The following MYO10 variants were observed in gnomAD, a reference collection of about 807,000 sequenced individuals.
The protein encoded by MYO10 is unconventional myosin-X.
MYO10 carries 133 observed loss-of-function variants against 257.3 expected under a neutral mutation model. That is an observed-to-expected ratio of 0.52 (90% CI 0.45 to 0.60). MYO10 has a LOEUF of 0.60. Ranked by LOEUF, MYO10 falls within the 20% of genes least tolerant of loss-of-function variation. The pLI is 0.00. For synonymous variants in MYO10, 1,104 were observed against 1,028.6 expected (o/e 1.07, Z -1.40); for missense variants, 2,399 against 2,635.7 (o/e 0.91, Z 1.97).
Position 16,877,684 on chromosome 5 carries a change from T to C in MYO10, c.45A>G (p.Glu15=). The C allele has an allele frequency of 1.9e-6, 3 of 1,613,700 alleles. No individual in the cohort carries two copies. The highest frequency in any genetic ancestry group is 2.5e-6 in the Non-Finnish European group (3 of 1,179,794). Reference sequence around the variant, plus strand: ...CAGTACTTGGAAAATGCTGGCCATTTTCTCTCAGCCAGACCCGTGTTCCCT... The same window carrying C: ...CAGTACTTGGAAAATGCTGGCCATTCTCTCTCAGCCAGACCCGTGTTCCCT... ...FTEGTRVWLR[E]NGQHFPSTVN... is the part of the protein sequence containing the mutation. Residue 15 remains glutamate, a synonymous_variant, in exon 2 of 41, where the codon GAA becomes GAG. Transcript: ENST00000513610.
chr5:16,929,799 A>G (rs1190857299), intron 1 of MYO10, among the ~76,000 whole-genome samples: 2 of 152,178 alleles, frequency 1.3e-5, no homozygotes, highest in African/African-American at 4.8e-5. Context: ...TTTTTCTTGA[A>G]TATTTTCAAT....
chr5:16,682,011 G>C lies in MYO10; in HGVS notation c.4049C>G (p.Pro1350Arg), dbSNP rs1278272834. 1.1e-5 allele frequency: 18 copies of C among 1,612,864 alleles called. No homozygotes were observed. The highest frequency in any genetic ancestry group is 1.5e-5 in the Non-Finnish European group (18 of 1,179,782). ...GGCCGTGATGATCACAAACGAGTTG[G>C]GTCTGAGCCACAAGATGAGAAGGAA... ...SVCASDSPDR[P>R]NSFVIITANR... Residue 1350 changes from proline (P) to arginine (R), a missense_variant and splice_region_variant, in exon 31 of 41, where the codon CCC (proline) becomes CGC (arginine). Around this residue, in one of 3 missense-constraint regions of MYO10, gnomAD observed 1,820 missense variants for 1,939.4 expected, o/e 0.94. Transcript: ENST00000513610.
chr5:16,741,704 A>T (rs763788556), intron 19 of MYO10: 10 of 817,794 alleles, frequency 1.2e-5, no homozygotes, highest in African/African-American at 3.7e-5. Context: ...GAAACAGCAA[A>T]ATCTGTTCCC....
chr5:16,923,980 C>A (rs1746062591), intron 1 of MYO10, among the ~76,000 whole-genome samples: 2 of 152,136 alleles, frequency 1.3e-5, no homozygotes, highest in African/African-American at 4.8e-5. Context: ...GTCCCAGCTA[C>A]TCAGGAGGCT....
chr5:16,787,438 CTAACCCGT>C (rs1741618735), intron 4 of MYO10, among the ~76,000 whole-genome samples: 1 of 152,076 alleles, frequency 6.6e-6, no homozygotes, highest in South Asian at 2.1e-4. Context: ...ACATTTCTGT[CTAACCCGT>C]CTCCTCCTCC....
intron 19 of MYO10, among the ~76,000 whole-genome samples, chr5:16,723,748 A>G (rs1739247489): frequency 6.6e-6 from 1 of 152,258 alleles, no homozygotes; most frequent in African/African-American, 2.4e-5. Context: ...CAAAGAAACT[A>G]CGGTATATCC....
Position 16,663,845 on chromosome 5 carries a change from C to T in MYO10, c.*2847G>A, listed in dbSNP as rs985740736. The T allele has an allele frequency of 5.1e-5, 7 of 136,630 alleles. No individual in the cohort carries two copies. Among genetic ancestry groups the T allele is most frequent in the African/African-American group, 2.0e-4 (7 of 35,738 alleles). 8.5% of individuals were successfully genotyped at this position (136,630 alleles called of 1,614,324 possible). A position where few individuals can be genotyped will look rare whatever the true frequency, so the allele number is the denominator to read the frequency against. On this transcript the variant is annotated 3_prime_UTR_variant, in exon 41 of 41. Transcript: ENST00000513610. ...TGCAGGTTCTATGCAAATATTATAC[C>T]ACTGTATAGCAGGGACTTGAGCATC...
intron 19 of MYO10, among the ~76,000 whole-genome samples, chr5:16,739,692 GATTT>G (rs1331114232): frequency 3.3e-5 from 5 of 151,610 alleles, no homozygotes; most frequent in Non-Finnish European, 7.4e-5. Context: ...AATGTTTCAA[GATTT>G]ATTAAGTTAA....
intron 17 of MYO10, among the ~76,000 whole-genome samples, 152 bp from the exon 18 acceptor site, chr5:16,758,378 C>T (rs1163532594): frequency 6.6e-6 from 1 of 152,172 alleles, no homozygotes; most frequent in East Asian, 1.9e-4. Flanking sequence ...AGATTTCAAA[C>T]CAAACACTGC....
At chr5:16,678,927 C>T (rs1012069389) in intron 33 of MYO10, among the ~76,000 whole-genome samples, 12 of 152,202 alleles carry the variant, frequency 7.9e-5, no homozygotes, top group African/African-American at 1.4e-4. Flanking sequence ...CGGGACTGAC[C>T]GGCTACGTGG....
chr5:16,675,203 A>G, intron 34 of MYO10, 53 bp from the exon 35 acceptor site: 2 of 1,582,144 alleles, frequency 1.3e-6, no homozygotes, highest in African/African-American at 2.7e-5. Flanking sequence ...AGAATAGGGC[A>G]TGAGCATAAT....
chr5:16,711,567 A>T (rs1192030385), intron 19 of MYO10, among the ~76,000 whole-genome samples: 1 of 152,072 alleles, frequency 6.6e-6, no homozygotes, highest in Non-Finnish European at 1.5e-5. Context: ...GTGGATCACA[A>T]GGTCAGGAGT....
At chr5:16,726,504 T>C (rs1249955003) in intron 19 of MYO10, among the ~76,000 whole-genome samples, 1 of 152,190 alleles carries the variant, frequency 6.6e-6, no homozygotes, top group Admixed American at 6.5e-5. Context: ...GGGTGGTTAA[T>C]TAACTGTCTA....
At chr5:16,869,407 T>G (rs184512662) in intron 2 of MYO10, among the ~76,000 whole-genome samples, 1 of 151,788 alleles carries the variant, frequency 6.6e-6, no homozygotes, top group Non-Finnish European at 1.5e-5. Context: ...GGTAACACAG[T>G]AAGACGCCAC....
intron 1 of MYO10, chr5:16,902,471 G>A (rs751529588): frequency 1.6e-5 from 24 of 1,477,100 alleles, no homozygotes; most frequent in Non-Finnish European, 2.0e-5. Flanking sequence ...CATCGAAGAC[G>A]CTCGCTTCAG....
intron 19 of MYO10, among the ~76,000 whole-genome samples, chr5:16,741,053 C>T (rs1249615886): frequency 6.6e-6 from 1 of 152,180 alleles, no homozygotes; most frequent in Non-Finnish European, 1.5e-5. Flanking sequence ...AATGAAAACA[C>T]CTCCCTTCCA....
chr5:16,900,475 G>A (rs925058196), intron 1 of MYO10, among the ~76,000 whole-genome samples: 2 of 152,140 alleles, frequency 1.3e-5, no homozygotes, highest in African/African-American at 4.8e-5. Flanking sequence ...AATGTGACAG[G>A]TCTGAAGACT....
chr5:16,861,001 T>G (rs1744092849), intron 2 of MYO10, among the ~76,000 whole-genome samples: 1 of 152,198 alleles, frequency 6.6e-6, no homozygotes, highest in Non-Finnish European at 1.5e-5. Flanking sequence ...GTTCTGAACC[T>G]GGTTGCTCAT....
chr5:16,677,567 C>T (rs1166675814), intron 33 of MYO10, among the ~76,000 whole-genome samples: 10 of 151,272 alleles, frequency 6.6e-5, no homozygotes, highest in South Asian at 2.1e-4. Context: ...AGGCGCCTGC[C>T]ACCACACCCA....
Sources: gnomAD v4.1 joint callset for allele counts (sites outside exome capture counted in the v4.1 genomes callset) on GRCh38, gnomAD v4.1.1 for gene constraint, gnomAD v4.1.1 regional missense constraint, MANE v1.5 for transcripts, NCBI Gene and HGNC (gene_info 2026-07-23, HGNC 2026-07-21) for gene names.